Variants in ASB3 observed in about 807,000 individuals in gnomAD.
ASB3 encodes the protein ankyrin repeat and SOCS box containing 3.
ASB3 carries 41 observed loss-of-function variants against 54.5 expected under a neutral mutation model. That is an observed-to-expected ratio of 0.75 (90% CI 0.59 to 0.98). The LOEUF (loss-of-function observed/expected upper bound fraction) is 0.98, where lower values mean the gene tolerates loss of function less well. Among genes scored for constraint, ASB3 ranks in the 50% least tolerant of loss-of-function variants. The pLI, the probability that ASB3 is intolerant of heterozygous loss-of-function variation, is 0.00. For missense variants in ASB3, 733 were observed against 620.0 expected (o/e 1.18, Z -1.94); for synonymous variants, 266 against 221.2 (o/e 1.20, Z -1.80).
chr2:53,744,010 T>C (rs1159995784), intron 3 of ASB3, among the ~76,000 whole-genome samples: 1 of 147,996 alleles, frequency 6.8e-6, no homozygotes, highest in Admixed American at 6.9e-5. Context: ...ACCACTGCAC[T>C]CCAGCCTGGG....
At chr2:53,737,834 C>T (rs966080902) in intron 3 of ASB3, among the ~76,000 whole-genome samples, 1 of 151,324 alleles carries the variant, frequency 6.6e-6, no homozygotes. Context: ...ATATAGTATA[C>T]CCTGAATTTT....
At chr2:53,741,304 G>A (rs1242056608) in intron 3 of ASB3, among the ~76,000 whole-genome samples, 2 of 152,190 alleles carry the variant, frequency 1.3e-5, no homozygotes, top group Non-Finnish European at 2.9e-5. Context: ...CAGTTTGATA[G>A]CCACAAAGGC....
intron 1 of ASB3, among the ~76,000 whole-genome samples, chr2:53,772,511 T>C (rs1056476897): frequency 1.3e-5 from 2 of 152,034 alleles, no homozygotes; most frequent in Non-Finnish European, 2.9e-5. Context: ...TAACTAAGAA[T>C]TTTGTGGTCC....
chr2:53,699,549 G>A (rs1167926723), intron 8 of ASB3, among the ~76,000 whole-genome samples: 1 of 152,198 alleles, frequency 6.6e-6, no homozygotes, highest in Admixed American at 6.5e-5. Flanking sequence ...ACACGAAAGT[G>A]AAGACTTCTA....
At chr2:53,756,175 A>T (rs1051689164) in intron 2 of ASB3, among the ~76,000 whole-genome samples, 93 of 152,130 alleles carry the variant, frequency 6.1e-4, no homozygotes, top group Admixed American at 1.2e-3. Context: ...CTTTAAAAAA[A>T]TTTTTTTAAT....
At chr2:53,697,963 C>T (rs1035921055) in intron 8 of ASB3, among the ~76,000 whole-genome samples, 1 of 152,160 alleles carries the variant, frequency 6.6e-6, no homozygotes, top group Non-Finnish European at 1.5e-5. Context: ...TCAATGGCAG[C>T]CCTGCTCCCA....
At chr2:53,717,383 CTA>C in intron 5 of ASB3, among the ~76,000 whole-genome samples, 1 of 152,286 alleles carries the variant, frequency 6.6e-6, no homozygotes, top group South Asian at 2.1e-4. Flanking sequence ...ACTATACTCT[CTA>C]TTACATCTCT....
chr2:53,703,561 T>C (rs1257171451), intron 7 of ASB3, among the ~76,000 whole-genome samples: 1 of 152,218 alleles, frequency 6.6e-6, no homozygotes, highest in Non-Finnish European at 1.5e-5. Flanking sequence ...ATTGCACTAC[T>C]GCACTCCAGC....
chr2:53,761,295 G>A (rs545808540), intron 2 of ASB3, among the ~76,000 whole-genome samples: 17 of 152,172 alleles, frequency 1.1e-4, no homozygotes, highest in African/African-American at 3.4e-4. Context: ...ATCATATATC[G>A]CCTGAGAGCA....
rs1175632103 is a variant in ASB3 at position 53,716,636 on chromosome 2, G to C, written c.712C>G (p.Pro238Ala). Residue 238 changes from proline to alanine, a missense_variant, in exon 6 of 10, where the codon CCT becomes GCT. Transcript: ENST00000263634. ...VELLLSSGAD[P>A]DLYCNEDSWQ... ...CTGTCCTCATTACAGTAAAGATCAG[G>C]ATCTGCCCCACTGGAGAGCAAAAGC... 1 of 1,614,020 alleles carries C rather than the reference G, an allele frequency of 6.2e-7. No individual in the cohort carries two copies. Among genetic ancestry groups the C allele is most frequent in the Non-Finnish European group, 8.5e-7 (1 of 1,180,018 alleles).
intron 5 of ASB3, among the ~76,000 whole-genome samples, chr2:53,728,160 A>G (rs1233902697): frequency 6.6e-6 from 1 of 152,208 alleles, no homozygotes; most frequent in African/African-American, 2.4e-5. Context: ...ATTTCTGGTC[A>G]CAAAATTGTC....
intron 7 of ASB3, among the ~76,000 whole-genome samples, chr2:53,707,509 G>A (rs529726200): frequency 7.2e-5 from 11 of 152,064 alleles, no homozygotes; most frequent in East Asian, 3.9e-4. Context: ...TTATCTGCGC[G>A]TGATGGCGGG....
intron 1 of ASB3, chr2:53,768,133 A>T: frequency 8.0e-7 from 1 of 1,242,864 alleles, no homozygotes; most frequent in Non-Finnish European, 1.1e-6. Flanking sequence ...ATGGGGCCAA[A>T]GCACATGGCT....
chr2:53,756,245 G>A (rs1025490866), intron 2 of ASB3, among the ~76,000 whole-genome samples: 1 of 152,004 alleles, frequency 6.6e-6, no homozygotes. Context: ...CCTGTCTAAC[G>A]ACATCATTCT....
At chr2:53,782,178 AAAACAAAC>A (rs542995263) in intron 1 of ASB3, among the ~76,000 whole-genome samples, 107 of 152,310 alleles carry the variant, frequency 7.0e-4, no homozygotes, top group Non-Finnish European at 1.3e-3. Flanking sequence ...CCCTGTCTCA[AAAACAAAC>A]AAACAAACAA....
chr2:53,775,805 G>A (rs564193203), intron 1 of ASB3, among the ~76,000 whole-genome samples: 1 of 152,226 alleles, frequency 6.6e-6, no homozygotes, highest in African/African-American at 2.4e-5. Flanking sequence ...AAATTTATGG[G>A]CTACAAGTGC....
chr2:53,704,990 T>C (rs1016452533), intron 7 of ASB3, among the ~76,000 whole-genome samples: 2 of 152,200 alleles, frequency 1.3e-5, no homozygotes, highest in African/African-American at 4.8e-5. Flanking sequence ...TTATTTCACA[T>C]TGACCTGTGA....
chr2:53,749,847 T>C (rs1374092995), intron 3 of ASB3, among the ~76,000 whole-genome samples: 1 of 152,068 alleles, frequency 6.6e-6, no homozygotes, highest in Non-Finnish European at 1.5e-5. Flanking sequence ...TGGTTCTATA[T>C]CTTGATTGTT....
intron 7 of ASB3, among the ~76,000 whole-genome samples, chr2:53,707,735 G>A (rs1230923041): frequency 6.6e-6 from 1 of 151,752 alleles, no homozygotes; most frequent in Non-Finnish European, 1.5e-5. Context: ...GTGAAGGGGG[G>A]CAGATCACTT....
Sources: allele counts gnomAD v4.1 joint callset (sites outside exome capture counted in the v4.1 genomes callset), GRCh38; gene constraint gnomAD v4.1.1; transcripts MANE v1.5; gene names NCBI Gene and HGNC (gene_info 2026-07-23, HGNC 2026-07-21).